CACNA1C: variants seen among roughly 807,000 people sequenced by gnomAD.
CACNA1C encodes the protein voltage-dependent L-type calcium channel subunit alpha-1C.
In CACNA1C, 30 loss-of-function variants were observed where a neutral mutation model predicts 229.0. The observed-to-expected ratio is 0.13, with a 90% confidence interval of 0.10 to 0.18. CACNA1C has a LOEUF of 0.18. CACNA1C is among the 10% of genes least tolerant of loss of function. The pLI, the probability that CACNA1C is intolerant of heterozygous loss-of-function variation, is 1.00. For synonymous variants in CACNA1C, 1,114 were observed against 1,132.5 expected, an observed-to-expected ratio of 0.98 and a Z score of 0.33; for missense variants, 1,658 against 2,845.0, an observed-to-expected ratio of 0.58 and a Z score of 9.49.
rs1337579827 is a variant in CACNA1C at position 2,550,022 on chromosome 12, G to A, written c.1470G>A (p.Gly490=). Residue 490 remains glycine, a synonymous_variant, in exon 10 of 47, where the codon GGG becomes GGA. Transcript: ENST00000399655. The part of the protein sequence containing the change: ...AGGDIEGENC[G]ARLAHRISKS... Reference sequence around the variant, plus strand: ...GTGACATCGAGGGAGAAAACTGCGGGGCCAGGCTGGCGTGAGTAGGCACGG... The same window carrying A: ...GTGACATCGAGGGAGAAAACTGCGGAGCCAGGCTGGCGTGAGTAGGCACGG... 2 of 1,603,962 alleles carry A rather than the reference G, an allele frequency of 1.2e-6. No individual in the cohort carries two copies. The highest frequency in any genetic ancestry group is 1.3e-5 in the African/African-American group (1 of 74,912).
chr12:2,378,483 A>T (rs1318290099), intron 3 of CACNA1C, among the ~76,000 whole-genome samples: 1 of 152,252 alleles, frequency 6.6e-6, no homozygotes, highest in East Asian at 1.9e-4. Context: ...AAACGTAAGC[A>T]CATAGATGCC....
At chr12:2,308,934 G>T (rs1006736692) in intron 3 of CACNA1C, among the ~76,000 whole-genome samples, 1 of 152,042 alleles carries the variant, frequency 6.6e-6, no homozygotes, top group African/African-American at 2.4e-5. Context: ...CAACATGGAG[G>T]CTCCTCAAAA....
Position 2,634,388 on chromosome 12 carries a change from C to T in CACNA1C, c.3912+8C>T, listed in dbSNP as rs765251978. ...GCAATCACCGAGGTAAACGTAAGTA[C>T]ATGGCGTCTGTCCCTAACCGTCCGT... On this transcript the variant is annotated splice_region_variant and intron_variant, in intron 30 of 46. Coordinates refer to ENST00000399655, the MANE Select transcript of CACNA1C (RefSeq NM_000719.7). The T allele has an allele frequency of 1.3e-6, 2 of 1,525,320 alleles. No individual in the cohort carries two copies. The highest frequency in any genetic ancestry group is 1.4e-5 in the African/African-American group (1 of 73,172). The allele number at this position is 1,525,320 out of a possible 1,614,324, so 94.5% of individuals were successfully genotyped here. A position where few individuals can be genotyped will look rare whatever the true frequency, so the allele number is the denominator to read the frequency against.
rs535489079 is a variant in CACNA1C, at chr12:2,135,887, C to T, written c.477+15457C>T. On this transcript the variant is annotated intron_variant, in intron 3 of 46. Coordinates refer to ENST00000399655, the MANE Select transcript of CACNA1C (RefSeq NM_000719.7). ...TTACCTAATCAAGCCCGGGCAATGG[C>T]GGGCGCCCCTCCCCCAGCCTCGCTG... Among the ~76,000 whole-genome samples, 88 of 148,424 alleles carry T rather than the reference C, an allele frequency of 5.9e-4. No homozygotes were observed. The South Asian group carries it at 0.014, about 23-fold the overall frequency.
chr12:1,997,900 A>G (rs764922155), intron 1 of CACNA1C: 6 of 1,535,234 alleles, frequency 3.9e-6, no homozygotes, highest in Non-Finnish European at 4.5e-6. Context: ...ATTATTTTGA[A>G]GATTAGTTTC....
intron 1 of CACNA1C, among the ~76,000 whole-genome samples, chr12:2,021,778 AT>A (rs1333922054): frequency 2.6e-5 from 4 of 152,188 alleles, no homozygotes; most frequent in Admixed American, 2.6e-4. Flanking sequence ...TGCTTCTCAC[AT>A]GGCAGAAGGC....
At chr12:1,992,719 A>C (rs1378837944) in intron 1 of CACNA1C, 1 of 168,644 alleles carries the variant, frequency 5.9e-6, no homozygotes, top group African/African-American at 2.4e-5. Flanking sequence ...TTAGTTACCT[A>C]CTACGACTTC....
intron 3 of CACNA1C, among the ~76,000 whole-genome samples, chr12:2,317,731 A>G (rs2095766051): frequency 6.6e-6 from 1 of 152,234 alleles, no homozygotes; most frequent in Non-Finnish European, 1.5e-5. Flanking sequence ...AATCCAGATG[A>G]ACAGAAGAAA....
chr12:2,049,641 A>T (rs1448631051), upstream of CACNA1C, among the ~76,000 whole-genome samples: 1 of 152,240 alleles, frequency 6.6e-6, no homozygotes, highest in East Asian at 1.9e-4. Context: ...AGTAAGGAAG[A>T]GGAGAGAAAA....
intron 3 of CACNA1C, among the ~76,000 whole-genome samples, chr12:2,439,093 T>G (rs2099188984): frequency 6.6e-6 from 1 of 152,138 alleles, no homozygotes. Context: ...TTGGAGAGTT[T>G]GGGGCTGTGG....
rs1327350489 is a variant in CACNA1C, at chr12:2,285,280, T to C, written c.478-163696T>C. On this transcript the variant is annotated intron_variant, in intron 3 of 46. Coordinates refer to ENST00000399655, the MANE Select transcript of CACNA1C (RefSeq NM_000719.7). This position sits in a 1 kb window ranked among gnomAD's most constrained non-coding sequence, Gnocchi z 4.2. ...TGGGCATTCAATGTCATCACATTGA[T>C]AACTTGAAATGGGCAGTAGTGGGAA... Among the ~76,000 whole-genome samples, 1 of 152,196 alleles carries C rather than the reference T, an allele frequency of 6.6e-6. No individual in the cohort carries two copies. Among genetic ancestry groups the C allele is most frequent in the East Asian group, 1.9e-4 (1 of 5,202 alleles).
intron 5 of CACNA1C, among the ~76,000 whole-genome samples, chr12:2,462,261 C>T (rs1308210777): frequency 6.8e-6 from 1 of 147,456 alleles, no homozygotes; most frequent in South Asian, 2.1e-4. Context: ...CTCAGCTCTC[C>T]ATACAGGCCT....
At chr12:2,446,235 G>GGA (rs1365920368) in intron 3 of CACNA1C, among the ~76,000 whole-genome samples, 2,454 of 101,332 alleles carry the variant, frequency 0.024, 31 homozygotes, top group Admixed American at 0.033. Flanking sequence ...GGATGGATGG[G>GGA]TAGGTGGGTG....
intron 3 of CACNA1C, among the ~76,000 whole-genome samples, chr12:2,216,754 A>C (rs2060080765): frequency 6.6e-6 from 1 of 152,194 alleles, no homozygotes; most frequent in Non-Finnish European, 1.5e-5. Context: ...GGTGATTCTA[A>C]TAGGCAGCCA....
intron 34 of CACNA1C, chr12:2,659,833 T>G (rs1278278433): frequency 6.6e-6 from 1 of 151,640 alleles, no homozygotes; most frequent in Non-Finnish European, 1.5e-5. Context: ...ACATCAGAAA[T>G]GCAAAAAGCA....
At chr12:2,303,497 G>T (rs2094744133) in intron 3 of CACNA1C, among the ~76,000 whole-genome samples, 1 of 152,064 alleles carries the variant, frequency 6.6e-6, no homozygotes, top group Admixed American at 6.5e-5. Flanking sequence ...CAGTGCAGTG[G>T]CTCACACCCG....
At chr12:2,564,658 C>T (rs2049332240) in intron 11 of CACNA1C, among the ~76,000 whole-genome samples, 1 of 152,176 alleles carries the variant, frequency 6.6e-6, no homozygotes, top group South Asian at 2.1e-4. Context: ...CAAATCGCCC[C>T]AGCTAAAAAT....
intron 3 of CACNA1C, among the ~76,000 whole-genome samples, chr12:2,295,173 G>A (rs1187688262): frequency 6.6e-6 from 1 of 152,112 alleles, no homozygotes; most frequent in African/African-American, 2.4e-5. Flanking sequence ...TGTGAAGCCT[G>A]GGCAGTGAAC....
rs1190105320 is a variant in CACNA1C at position 2,488,375 on chromosome 12, G to A, written c.916+2113G>A. ...GACAAAGAAAGCATGGCACGGGGAG[G>A]GAGCCGTCCTGAAGGCCATAGCCGT... On this transcript the variant is annotated intron_variant, in intron 6 of 46. Transcript: ENST00000399655. The surrounding 1 kb of genome is among the most constrained non-coding windows in gnomAD (Gnocchi z 4.0). Among the ~76,000 whole-genome samples, 1 of 152,174 alleles carries A rather than the reference G, an allele frequency of 6.6e-6. No individual in the cohort carries two copies. Among genetic ancestry groups the A allele is most frequent in the Non-Finnish European group, 1.5e-5 (1 of 68,024 alleles).
Sources: gnomAD v4.1 joint callset for allele counts (sites outside exome capture counted in the v4.1 genomes callset) on GRCh38, gnomAD v4.1.1 for gene constraint, Gnocchi (gnomAD v3.1) non-coding constraint, MANE v1.5 for transcripts, NCBI Gene and HGNC (gene_info 2026-07-23, HGNC 2026-07-21) for gene names.